AMPH: variants seen among roughly 807,000 people sequenced by gnomAD.
AMPH encodes amphiphysin (Stiff-Mann syndrome with breast cancer 128kD autoantigen).
AMPH carries 49 observed loss-of-function variants against 99.1 expected under a neutral mutation model. The observed-to-expected ratio is 0.49, with a 90% confidence interval of 0.39 to 0.63. The LOEUF (loss-of-function observed/expected upper bound fraction) is 0.63, where lower values mean the gene tolerates loss of function less well. Ranked by LOEUF, AMPH falls within the 20% of genes least tolerant of loss-of-function variation. The pLI is 0.00. For missense variants in AMPH, 759 were observed against 863.4 expected, an observed-to-expected ratio of 0.88 and a Z score of 1.52; for synonymous variants, 314 against 317.3, an observed-to-expected ratio of 0.99 and a Z score of 0.11.
chr7:38,619,549 C>A (rs1793985064), intron 1 of AMPH, among the ~76,000 whole-genome samples: 2 of 152,190 alleles, frequency 1.3e-5, no homozygotes, highest in South Asian at 4.2e-4. Context: ...ATCTATAGAA[C>A]ACTCTACCCA....
chr7:38,416,478 T>C (rs1194680298), intron 17 of AMPH, among the ~76,000 whole-genome samples: 1 of 152,216 alleles, frequency 6.6e-6, no homozygotes, highest in Non-Finnish European at 1.5e-5. Context: ...TTGGTGCTGC[T>C]GTTCAAAATA....
intron 17 of AMPH, among the ~76,000 whole-genome samples, chr7:38,402,224 G>A (rs1341403758): frequency 6.6e-6 from 1 of 151,666 alleles, no homozygotes; most frequent in African/African-American, 2.4e-5. Flanking sequence ...TTCATCTTTT[G>A]TTTCACCTAT....
At chr7:38,484,069 G>C (rs767649665) in intron 5 of AMPH, among the ~76,000 whole-genome samples, 6 of 151,782 alleles carry the variant, frequency 4.0e-5, no homozygotes, top group African/African-American at 7.3e-5. Flanking sequence ...TTTGGTCAGA[G>C]GAACAAAAAG....
At chr7:38,391,340 C>T (rs1223098647) in intron 19 of AMPH, among the ~76,000 whole-genome samples, 1 of 152,186 alleles carries the variant, frequency 6.6e-6, no homozygotes, top group Non-Finnish European at 1.5e-5. Flanking sequence ...CTGTGTCATG[C>T]ACCCTACAAG....
intron 2 of AMPH, among the ~76,000 whole-genome samples, chr7:38,508,158 C>A (rs1789401405): frequency 6.6e-6 from 1 of 152,146 alleles, no homozygotes; most frequent in South Asian, 2.1e-4. Flanking sequence ...TTCTAAGGAA[C>A]TAAACTTAGG....
At chr7:38,479,546 A>G (rs1788213849) in intron 5 of AMPH, among the ~76,000 whole-genome samples, 1 of 152,104 alleles carries the variant, frequency 6.6e-6, no homozygotes, top group East Asian at 1.9e-4. Context: ...ATTCAGAGCA[A>G]AAAAACATAA....
chr7:38,569,413 G>A (rs1031760654), intron 1 of AMPH, among the ~76,000 whole-genome samples: 13 of 151,616 alleles, frequency 8.6e-5, no homozygotes, highest in Non-Finnish European at 5.9e-5. Context: ...TACAAATATC[G>A]TATTTGTGTG....
At chr7:38,478,735 A>C (rs866177166) in intron 5 of AMPH, among the ~76,000 whole-genome samples, 1 of 152,156 alleles carries the variant, frequency 6.6e-6, no homozygotes, top group African/African-American at 2.4e-5. Flanking sequence ...AGATAATCAG[A>C]TGGGGAATTT....
chr7:38,404,725 C>T (rs1784935458), intron 17 of AMPH, among the ~76,000 whole-genome samples: 1 of 152,102 alleles, frequency 6.6e-6, no homozygotes, highest in Non-Finnish European at 1.5e-5. Context: ...TCTGGCAATA[C>T]AAAAAGACAG....
intron 11 of AMPH, among the ~76,000 whole-genome samples, chr7:38,448,447 T>C (rs1430631327): frequency 6.6e-6 from 1 of 152,208 alleles, no homozygotes; most frequent in East Asian, 1.9e-4. Context: ...TTTTTTCCTA[T>C]ACATACATAC....
At chr7:38,559,432 T>C (rs1430100065) in intron 1 of AMPH, among the ~76,000 whole-genome samples, 1 of 152,154 alleles carries the variant, frequency 6.6e-6, no homozygotes, top group African/African-American at 2.4e-5. Context: ...GGTTTCCCGA[T>C]GGAATGGGGA....
At chr7:38,449,194 G>T (rs1169408164) in intron 11 of AMPH, among the ~76,000 whole-genome samples, 1 of 152,152 alleles carries the variant, frequency 6.6e-6, no homozygotes, top group African/African-American at 2.4e-5. Context: ...ACTCAAACGA[G>T]TTCTAGAGAA....
intron 7 of AMPH, among the ~76,000 whole-genome samples, chr7:38,467,858 A>T (rs1156503316): frequency 6.6e-6 from 1 of 152,198 alleles, no homozygotes; most frequent in South Asian, 2.1e-4. Context: ...AGCTGCAAAC[A>T]TCTGCTTAAG....
intron 1 of AMPH, among the ~76,000 whole-genome samples, chr7:38,547,959 G>A (rs546564212): frequency 1.3e-5 from 2 of 152,182 alleles, no homozygotes; most frequent in African/African-American, 4.8e-5. Flanking sequence ...TTTGTCTCAT[G>A]TGAGCCTCAG....
chr7:38,388,537 T>C (rs956858697), intron 20 of AMPH, among the ~76,000 whole-genome samples: 2 of 151,442 alleles, frequency 1.3e-5, no homozygotes, highest in African/African-American at 4.8e-5. Context: ...CATTATGAAA[T>C]TTTTTTTTAA....
At chr7:38,432,033 C>T in intron 13 of AMPH, 156 bp downstream of exon 13, 1 of 755,066 alleles carries the variant, frequency 1.3e-6, no homozygotes, top group Non-Finnish European at 2.4e-6. Context: ...TCTGATAATG[C>T]TCAAGACTTT....
At chr7:38,513,455 T>C (rs1212599801) in intron 2 of AMPH, among the ~76,000 whole-genome samples, 1 of 152,164 alleles carries the variant, frequency 6.6e-6, no homozygotes, top group Admixed American at 6.5e-5. Context: ...CTTCAAAGAA[T>C]ACCAATTGGG....
At chr7:38,413,395 A>G (rs572350048) in intron 17 of AMPH, among the ~76,000 whole-genome samples, 10 of 152,230 alleles carry the variant, frequency 6.6e-5, no homozygotes, top group African/African-American at 2.4e-4. Context: ...AAGGAAAATG[A>G]CCATATACAT....
At chr7:38,393,754 C>T (rs1784585268) in intron 18 of AMPH, among the ~76,000 whole-genome samples, 1 of 152,224 alleles carries the variant, frequency 6.6e-6, no homozygotes, top group Admixed American at 6.5e-5. Flanking sequence ...CCCCAGTTTC[C>T]CATTCCCGTT....
Sources: gnomAD v4.1 joint callset for allele counts (sites outside exome capture counted in the v4.1 genomes callset) on GRCh38, gnomAD v4.1.1 for gene constraint, MANE v1.5 for transcripts, NCBI Gene and HGNC (gene_info 2026-07-23, HGNC 2026-07-21) for gene names.